The following KIAA0319 variants were observed in gnomAD, a reference collection of about 807,000 sequenced individuals.
KIAA0319 encodes the protein dyslexia-associated protein KIAA0319.
A neutral mutation model predicts 108.4 loss-of-function variants in KIAA0319; 83 were observed. The observed-to-expected ratio is 0.77, with a 90% CI of 0.64 to 0.92. KIAA0319 has a LOEUF of 0.92. KIAA0319 is among the 40% of genes least tolerant of loss of function. The pLI is 0.00. For missense variants in KIAA0319, 1,195 were observed against 1,322.4 expected (o/e 0.90, Z 1.49); for synonymous variants, 484 against 510.4 (o/e 0.95, Z 0.70).
intron 20 of KIAA0319, among the ~76,000 whole-genome samples, chr6:24,547,959 G>T (rs1760866448): frequency 6.6e-6 from 1 of 152,124 alleles, no homozygotes; most frequent in African/African-American, 2.4e-5. Flanking sequence ...CTTGAGGCCA[G>T]GAGTTCGAGG....
At position 24,545,823 on chromosome 6, in the gene KIAA0319, A is replaced by G. The variant is rs1760554374; in HGVS notation, c.*1342T>C. 2.0e-5 allele frequency: 3 copies of G among 152,234 alleles called. No homozygotes were observed. The highest frequency in any genetic ancestry group is 7.2e-5 in the African/African-American group (3 of 41,466). 9.4% of individuals were successfully genotyped at this position (152,234 alleles called of 1,614,324 possible). ...TAAATACCTTGCTTCTTCATCAGCA[A>G]TGCATTCCTAGTTTTCCCATGTGTT... On this transcript the variant is annotated 3_prime_UTR_variant, in exon 21 of 21. Transcript: ENST00000378214.
At position 24,632,949 on chromosome 6, in the gene KIAA0319, A is replaced by G. The variant is rs1026422548; in HGVS notation, c.-106+12787T>C. 3.9e-5 allele frequency among the ~76,000 whole-genome samples: 6 copies of G among 152,222 alleles called. No homozygotes were observed. In the East Asian group the frequency reaches 1.2e-3, roughly 29 times the overall value. ...ATTGGTTTTTAAACACAAGAAGGGCATTCTTGAGGAACAGGGAGGAAGCAG... is the reference window on the plus strand; with the variant it reads ...ATTGGTTTTTAAACACAAGAAGGGCGTTCTTGAGGAACAGGGAGGAAGCAG... On this transcript the variant is annotated intron_variant, in intron 1 of 20. Coordinates refer to ENST00000378214, the MANE Select transcript of KIAA0319 (RefSeq NM_014809.4).
rs139161255 is a variant in KIAA0319, at chr6:24,608,133, A to T, written c.-105-6925T>A. ...CTATAGCAACAGCAACAGACAAAAA[A>T]TAGAAGACCTAAGGCTGACTTTAAC... On this transcript the variant is annotated intron_variant, in intron 1 of 20. Transcript: ENST00000378214. Among the ~76,000 whole-genome samples the T allele has an allele frequency of 8.2e-3, 1,256 of 152,254 alleles. 22 individuals are homozygous for T. The highest frequency in any genetic ancestry group is 0.029 in the African/African-American group (1,189 of 41,564).
intron 12 of KIAA0319, 60 bp from the exon 13 acceptor site, chr6:24,568,989 G>C (rs1346794258): frequency 1.3e-6 from 2 of 1,533,486 alleles, no homozygotes; most frequent in African/African-American, 2.7e-5. Context: ...AATATGACAG[G>C]CATGCGATTT....
At chr6:24,597,753 G>A (rs774509367) in intron 2 of KIAA0319, among the ~76,000 whole-genome samples, 7 of 151,236 alleles carry the variant, frequency 4.6e-5, no homozygotes, top group Admixed American at 1.3e-4. Context: ...CCTTTACAAA[G>A]GTAAAAAAGA....
intron 1 of KIAA0319, among the ~76,000 whole-genome samples, chr6:24,611,789 C>T (rs1189222970): frequency 2.0e-5 from 3 of 152,054 alleles, no homozygotes; most frequent in African/African-American, 7.2e-5. Flanking sequence ...CACAGTTGCT[C>T]ACCCCTGTAA....
intron 13 of KIAA0319, among the ~76,000 whole-genome samples, chr6:24,567,467 T>C (rs1344309016): frequency 2.0e-5 from 3 of 152,110 alleles, no homozygotes; most frequent in Non-Finnish European, 2.9e-5. Context: ...TTGGGGAGGC[T>C]AAGGCAGGAT....
intron 1 of KIAA0319, among the ~76,000 whole-genome samples, chr6:24,635,875 C>T (rs1482611406): frequency 2.0e-5 from 3 of 152,148 alleles, no homozygotes; most frequent in Admixed American, 6.5e-5. Context: ...CAAGTTGTTC[C>T]GTAGCAATAG....
In KIAA0319 at chr6:24,596,392, GCCCATCT is replaced by G; in HGVS notation, c.275_281del (p.Lys92ThrfsTer26). On this transcript the variant is annotated frameshift_variant, in exon 3 of 21. Transcript: ENST00000378214. LOFTEE classifies it high-confidence loss of function. ...CAAAAGTGAGATAAGACCTGATGGG[GCCCATCT>G]TCTTGGGCTCACAGTTCTCTTTGTG... The G allele has an allele frequency of 6.2e-7, 1 of 1,614,204 alleles. No individual in the cohort carries two copies. Among genetic ancestry groups the G allele is most frequent in the Non-Finnish European group, 8.5e-7 (1 of 1,180,036 alleles).
chr6:24,603,987 T>G (rs1771043480), intron 1 of KIAA0319, among the ~76,000 whole-genome samples: 1 of 151,870 alleles, frequency 6.6e-6, no homozygotes, highest in Admixed American at 6.6e-5. Context: ...AGAGATGGGC[T>G]GAGTTAGACC....
intron 10 of KIAA0319, among the ~76,000 whole-genome samples, chr6:24,573,775 A>T (rs75028609): frequency 0.03 from 4,547 of 151,630 alleles, 211 homozygotes; most frequent in African/African-American, 0.1. Flanking sequence ...TTTTATTATT[A>T]TTTTTTTTAA....
chr6:24,601,817 G>T (rs1027927186), intron 1 of KIAA0319, among the ~76,000 whole-genome samples: 1 of 152,168 alleles, frequency 6.6e-6, no homozygotes, highest in Non-Finnish European at 1.5e-5. Context: ...TATAGAGATA[G>T]CAATCTGGCT....
intron 1 of KIAA0319, among the ~76,000 whole-genome samples, chr6:24,612,717 G>A (rs1481547318): frequency 2.0e-5 from 3 of 152,208 alleles, no homozygotes; most frequent in Non-Finnish European, 2.9e-5. Flanking sequence ...GCTAGAAAAT[G>A]TATAAAATAT....
intron 1 of KIAA0319, among the ~76,000 whole-genome samples, chr6:24,624,029 T>TTC (rs1312785645): frequency 7.1e-6 from 1 of 140,784 alleles, no homozygotes; most frequent in South Asian, 2.3e-4. Flanking sequence ...TTTTTTTTTT[T>TTC]TTTTTTTTTT....
At chr6:24,569,882 C>G in intron 12 of KIAA0319, 21 bp downstream of exon 12, 3 of 1,613,200 alleles carry the variant, frequency 1.9e-6, no homozygotes, top group Non-Finnish European at 2.5e-6. Flanking sequence ...ATGAACCTAG[C>G]TCAGTGGCGA....
downstream of KIAA0319, among the ~76,000 whole-genome samples, chr6:24,540,697 A>G (rs1329979747): frequency 6.6e-6 from 1 of 151,010 alleles, no homozygotes; most frequent in Non-Finnish European, 1.5e-5. Context: ...TTTAATGGAA[A>G]TGCTTATTTT....
chr6:24,550,084 T>C lies in KIAA0319; in HGVS notation c.3040+1350A>G, dbSNP rs576796522. 6.4e-4 allele frequency among the ~76,000 whole-genome samples: 98 copies of C among 152,350 alleles called. No homozygotes were observed. In the Middle Eastern group the frequency reaches 0.01, roughly 16 times the overall value. On this transcript the variant is annotated intron_variant, in intron 20 of 20. Coordinates refer to ENST00000378214, the MANE Select transcript of KIAA0319 (RefSeq NM_014809.4). ...TGCAATGCAAATGGTGAGCACTCAA[T>C]GTATGCCACTATTTGTTCTTCCTGT... is the stretch of plus-strand genomic sequence containing the variant.
At chr6:24,581,671 C>G (rs1766563585) in intron 6 of KIAA0319, among the ~76,000 whole-genome samples, 2 of 152,292 alleles carry the variant, frequency 1.3e-5, no homozygotes, top group Admixed American at 6.5e-5. Context: ...GCAAGAGTTA[C>G]AACAGGTTTT....
chr6:24,579,297 C>T (rs752477550), intron 8 of KIAA0319, among the ~76,000 whole-genome samples: 3 of 151,648 alleles, frequency 2.0e-5, no homozygotes, highest in Non-Finnish European at 2.9e-5. Context: ...TTTTAAAAAA[C>T]CACCACGCTC....
Sources: gnomAD v4.1 joint callset for allele counts (sites outside exome capture counted in the v4.1 genomes callset) on GRCh38, gnomAD v4.1.1 for gene constraint, MANE v1.5 for transcripts, NCBI Gene and HGNC (gene_info 2026-07-23, HGNC 2026-07-21) for gene names.